ARHGEF12: variants seen among roughly 807,000 people sequenced by gnomAD.
ARHGEF12 encodes the protein Rho guanine nucleotide exchange factor 12.
A neutral mutation model predicts 211.2 loss-of-function variants in ARHGEF12; 66 were observed. The ratio of observed to expected loss-of-function variants is 0.31; its 90% CI spans 0.26 to 0.38. The LOEUF is 0.38. Among genes scored for constraint, ARHGEF12 ranks in the 10% least tolerant of loss-of-function variants. The pLI, the probability that ARHGEF12 is intolerant of heterozygous loss-of-function variation, is 1.00. For missense variants in ARHGEF12, 1,429 were observed against 1,869.5 expected, an observed-to-expected ratio of 0.76 and a Z score of 4.34; for synonymous variants, 592 against 638.4, an observed-to-expected ratio of 0.93 and a Z score of 1.09.
intron 1 of ARHGEF12, among the ~76,000 whole-genome samples, chr11:120,377,228 A>G (rs1345689497): frequency 6.6e-6 from 1 of 152,168 alleles, no homozygotes; most frequent in Non-Finnish European, 1.5e-5. Flanking sequence ...AAGATATATA[A>G]CATTTCCATC....
intron 22 of ARHGEF12, among the ~76,000 whole-genome samples, chr11:120,453,752 C>T (rs780458927): frequency 2.0e-5 from 3 of 152,070 alleles, no homozygotes; most frequent in Non-Finnish European, 4.4e-5. Context: ...CAAGATAAAA[C>T]CATAAAGGAA....
chr11:120,378,739 G>C (rs143162733), intron 1 of ARHGEF12, among the ~76,000 whole-genome samples: 1 of 152,150 alleles, frequency 6.6e-6, no homozygotes, highest in African/African-American at 2.4e-5. Context: ...TCCTTTTCCC[G>C]TTGAACTGCT....
At chr11:120,472,072 A>T (rs1450081211) in intron 30 of ARHGEF12, among the ~76,000 whole-genome samples, 1 of 152,204 alleles carries the variant, frequency 6.6e-6, no homozygotes, top group Admixed American at 6.5e-5. Context: ...AAAATGAAAT[A>T]ACTCTCTATA....
intron 1 of ARHGEF12, among the ~76,000 whole-genome samples, chr11:120,363,756 G>A (rs1943343408): frequency 6.6e-6 from 1 of 152,128 alleles, no homozygotes; most frequent in Admixed American, 6.5e-5. Flanking sequence ...ACTTCATGTT[G>A]ATCAAGTGGA....
chr11:120,396,655 A>G (rs2135524690), intron 1 of ARHGEF12, among the ~76,000 whole-genome samples: 1 of 152,354 alleles, frequency 6.6e-6, no homozygotes. Context: ...CACACTCTAT[A>G]TAAAAATTAT....
intron 1 of ARHGEF12, among the ~76,000 whole-genome samples, chr11:120,348,653 A>G (rs1198607046): frequency 6.6e-6 from 1 of 152,106 alleles, no homozygotes; most frequent in African/African-American, 2.4e-5. Flanking sequence ...ACCAGCCTGA[A>G]CAACATGGAG....
At chr11:120,383,816 G>A (rs1438048129) in intron 1 of ARHGEF12, among the ~76,000 whole-genome samples, 2 of 152,108 alleles carry the variant, frequency 1.3e-5, no homozygotes, top group Non-Finnish European at 2.9e-5. Context: ...AGTACACAGT[G>A]AAAAAGTTTG....
rs1427096715 is a variant in ARHGEF12, at chr11:120,486,109, A to G, written c.*1032A>G. ...AAGGGTGGGATGGGAGTGGGTAAAG[A>G]GTTTGGGAAGGTTATCTAACTGAAT... On this transcript the variant is annotated 3_prime_UTR_variant, in exon 41 of 41. Transcript: ENST00000397843. 4.3e-6 allele frequency: 1 copy of G among 233,432 alleles called. No individual in the cohort carries two copies. The allele number at this position is 233,432 out of a possible 1,614,324, so 14.5% of individuals were successfully genotyped here. A position where few individuals can be genotyped will look rare whatever the true frequency, so the allele number is the denominator to read the frequency against.
At chr11:120,404,785 T>C (rs896061717) in intron 1 of ARHGEF12, among the ~76,000 whole-genome samples, 8 of 152,194 alleles carry the variant, frequency 5.3e-5, no homozygotes, top group African/African-American at 1.9e-4. Flanking sequence ...AGAAACTCAG[T>C]TGGAATCCTT....
intron 1 of ARHGEF12, among the ~76,000 whole-genome samples, chr11:120,348,835 C>A (rs1217448590): frequency 6.6e-6 from 1 of 152,012 alleles, no homozygotes; most frequent in Non-Finnish European, 1.5e-5. Context: ...GAGCAAAACA[C>A]CGTCTCAAAA....
chr11:120,352,039 A>T (rs1333083935), intron 1 of ARHGEF12, among the ~76,000 whole-genome samples: 1 of 151,930 alleles, frequency 6.6e-6, no homozygotes, highest in Admixed American at 6.6e-5. Context: ...AATCAATTGG[A>T]TGAAACCCAG....
At chr11:120,391,614 G>A (rs1944219437) in intron 1 of ARHGEF12, among the ~76,000 whole-genome samples, 1 of 152,206 alleles carries the variant, frequency 6.6e-6, no homozygotes, top group African/African-American at 2.4e-5. Flanking sequence ...TGAAACACTT[G>A]CCTGGGCAGA....
intron 1 of ARHGEF12, among the ~76,000 whole-genome samples, chr11:120,347,151 C>CTTTCTTTCTTTTT (rs1296663235): frequency 1.7e-5 from 1 of 58,512 alleles, no homozygotes; most frequent in African/African-American, 8.4e-5. Flanking sequence ...TTCCTTCCTT[C>CTTTCTTTCTTTTT]CTTCCTTCCT....
chr11:120,424,239 T>A, intron 6 of ARHGEF12, 119 bp from the exon 7 acceptor site: 1 of 585,954 alleles, frequency 1.7e-6, no homozygotes. Flanking sequence ...CATAAATATT[T>A]TAATGTAATG....
chr11:120,452,498 T>G (rs1355423638), intron 22 of ARHGEF12, among the ~76,000 whole-genome samples: 3 of 152,118 alleles, frequency 2.0e-5, no homozygotes, highest in Non-Finnish European at 4.4e-5. Flanking sequence ...CTACTAGGGA[T>G]GAAGACGGCA....
chr11:120,489,457 C>G lies in ARHGEF12; in HGVS notation c.*4380C>G, dbSNP rs1947480176. Reference sequence around the variant, plus strand: ...AAGATAACTTTGGTTTTAATCCTACCCTAAATGAAGCATATGCCTCTATTT... The same window carrying G: ...AAGATAACTTTGGTTTTAATCCTACGCTAAATGAAGCATATGCCTCTATTT... On this transcript the variant is annotated 3_prime_UTR_variant, in exon 41 of 41. Coordinates refer to ENST00000397843, the MANE Select transcript of ARHGEF12 (RefSeq NM_015313.3). The G allele has an allele frequency of 4.5e-6, 1 of 223,342 alleles. No individual in the cohort carries two copies. The highest frequency in any genetic ancestry group is 1.8e-4 in the South Asian group (1 of 5,452). 13.8% of individuals were successfully genotyped at this position (223,342 alleles called of 1,614,324 possible).
chr11:120,484,421 T>G lies in ARHGEF12; in HGVS notation c.4555-17T>G, dbSNP rs776422246. On this transcript the variant is annotated splice_polypyrimidine_tract_variant and intron_variant, in intron 39 of 40. Coordinates refer to ENST00000397843, the MANE Select transcript of ARHGEF12 (RefSeq NM_015313.3). ...TCATTACGTTTGAATAAAAAACCTATGGGTTTTATTTCACAGAAGGTGGAG... is the reference window on the plus strand; with the variant it reads ...TCATTACGTTTGAATAAAAAACCTAGGGGTTTTATTTCACAGAAGGTGGAG... 6.2e-7 allele frequency: 1 copy of G among 1,610,262 alleles called. No homozygotes were observed. Among genetic ancestry groups the G allele is most frequent in the South Asian group, 1.1e-5 (1 of 90,328 alleles).
intron 12 of ARHGEF12, chr11:120,438,719 G>A (rs1945772333): frequency 6.6e-6 from 1 of 152,130 alleles, no homozygotes; most frequent in Admixed American, 6.6e-5. Flanking sequence ...ATGTTAAACT[G>A]CTGTTAGATT....
At chr11:120,479,120 G>A (rs1947154991) in intron 37 of ARHGEF12, among the ~76,000 whole-genome samples, 1 of 152,156 alleles carries the variant, frequency 6.6e-6, no homozygotes, top group Non-Finnish European at 1.5e-5. Context: ...GTAACTAGCA[G>A]GAAGTTAGAG....
Sources: allele counts gnomAD v4.1 joint callset (sites outside exome capture counted in the v4.1 genomes callset), GRCh38; gene constraint gnomAD v4.1.1; transcripts MANE v1.5; gene names NCBI Gene and HGNC (gene_info 2026-07-23, HGNC 2026-07-21).